FAM117B: variants seen among roughly 807,000 people sequenced by gnomAD.
The protein encoded by FAM117B is protein FAM117B.
Under a neutral mutation model 52.8 loss-of-function variants are expected in FAM117B, and 22 were observed. The ratio of observed to expected loss-of-function variants is 0.42; its 90% confidence interval spans 0.30 to 0.59. The LOEUF (loss-of-function observed/expected upper bound fraction) is 0.59, where lower values mean the gene tolerates loss of function less well. Ranked by LOEUF, FAM117B falls within the 20% of genes least tolerant of loss-of-function variation. The pLI is 0.22. For synonymous variants in FAM117B, 309 were observed against 324.1 expected (o/e 0.95, Z 0.50); for missense variants, 678 against 802.6 (o/e 0.84, Z 1.88).
chr2:202,733,132 C>T (rs893269577), intron 4 of FAM117B, among the ~76,000 whole-genome samples: 5 of 152,156 alleles, frequency 3.3e-5, no homozygotes, highest in African/African-American at 9.6e-5. Flanking sequence ...CCGCCTGAGC[C>T]GCAAAACCAG....
At position 202,654,160 on chromosome 2, in the gene FAM117B, A is replaced by ATT. The variant is rs573205026; in HGVS notation, c.601+18372_601+18373insTT. ...TACTAACTTGATTCTGATTGAAAAG[A>ATT]AAGACAGTAATATTAAATTTTATTG... On this transcript the variant is annotated intron_variant, in intron 1 of 7. Transcript: ENST00000392238. 1.6e-3 allele frequency among the ~76,000 whole-genome samples: 243 copies of ATT among 147,558 alleles called. 1 individual carries two copies. The highest frequency in any genetic ancestry group is 6.3e-3 in the African/African-American group (235 of 37,324).
At chr2:202,743,487 A>C (rs1051844709) in intron 4 of FAM117B, among the ~76,000 whole-genome samples, 1 of 152,216 alleles carries the variant, frequency 6.6e-6, no homozygotes. Context: ...AAAAGTAGAA[A>C]AGCAAGGAAC....
intron 1 of FAM117B, among the ~76,000 whole-genome samples, chr2:202,653,738 C>T (rs1690010182): frequency 6.6e-6 from 1 of 152,062 alleles, no homozygotes; most frequent in African/African-American, 2.4e-5. Context: ...TCTTCATTTA[C>T]TTGAATGTAT....
intron 1 of FAM117B, among the ~76,000 whole-genome samples, chr2:202,679,040 A>G: frequency 6.6e-6 from 1 of 152,174 alleles, no homozygotes; most frequent in East Asian, 1.9e-4. Context: ...TCCTATAACA[A>G]TATCATAATA....
At chr2:202,749,024 T>TA (rs1691680687) in intron 4 of FAM117B, among the ~76,000 whole-genome samples, 1 of 152,184 alleles carries the variant, frequency 6.6e-6, no homozygotes, top group African/African-American at 2.4e-5. Context: ...AGAGCACTGG[T>TA]AGTTTATGAA....
chr2:202,686,729 C>T (rs1690542276), intron 1 of FAM117B, among the ~76,000 whole-genome samples: 2 of 151,758 alleles, frequency 1.3e-5, no homozygotes, highest in African/African-American at 4.8e-5. Flanking sequence ...ATCTCCTGAA[C>T]CTGGGAGGGG....
chr2:202,655,754 G>GAGAGAGAA (rs1690045964), intron 1 of FAM117B, among the ~76,000 whole-genome samples: 11 of 148,380 alleles, frequency 7.4e-5, no homozygotes, highest in Non-Finnish European at 1.2e-4. Context: ...GAGAGAGAGA[G>GAGAGAGAA]AGAGAGAGTG....
chr2:202,715,035 A>G (rs1234279948), intron 2 of FAM117B, among the ~76,000 whole-genome samples: 6 of 152,286 alleles, frequency 3.9e-5, no homozygotes, highest in Admixed American at 1.3e-4. Flanking sequence ...CCCGTTCTCA[A>G]TGAGCTGTTG....
intron 1 of FAM117B, among the ~76,000 whole-genome samples, chr2:202,657,172 C>G (rs1690067388): frequency 1.3e-5 from 2 of 152,144 alleles, no homozygotes; most frequent in African/African-American, 4.8e-5. Flanking sequence ...ACTGCAACCT[C>G]CTCCTCTTGG....
At chr2:202,665,673 T>C (rs1457646377) in intron 1 of FAM117B, among the ~76,000 whole-genome samples, 3 of 152,206 alleles carry the variant, frequency 2.0e-5, no homozygotes, top group African/African-American at 7.2e-5. Context: ...CAATCTCGGC[T>C]CACTGCAACT....
At chr2:202,745,722 A>G (rs1286741161) in intron 4 of FAM117B, among the ~76,000 whole-genome samples, 4 of 152,190 alleles carry the variant, frequency 2.6e-5, no homozygotes, top group Non-Finnish European at 5.9e-5. Context: ...CCCTGTAAAA[A>G]CACATATTGA....
At chr2:202,735,825 G>A (rs1035707207) in intron 4 of FAM117B, among the ~76,000 whole-genome samples, 7 of 152,054 alleles carry the variant, frequency 4.6e-5, no homozygotes, top group Admixed American at 3.3e-4. Flanking sequence ...GGGTACATGT[G>A]CACAACGTGC....
At chr2:202,745,562 C>CA (rs1433464776) in intron 4 of FAM117B, among the ~76,000 whole-genome samples, 1 of 151,888 alleles carries the variant, frequency 6.6e-6, no homozygotes, top group East Asian at 1.9e-4. Flanking sequence ...ACAAAACAAT[C>CA]AAAAAAACAA....
At chr2:202,654,632 T>G (rs561550423) in intron 1 of FAM117B, among the ~76,000 whole-genome samples, 1 of 152,100 alleles carries the variant, frequency 6.6e-6, no homozygotes, top group Admixed American at 6.6e-5. Context: ...CTGTGTACAG[T>G]AAGAGGTAAT....
At chr2:202,648,571 G>A (rs1324139165) in intron 1 of FAM117B, among the ~76,000 whole-genome samples, 1 of 139,886 alleles carries the variant, frequency 7.1e-6, no homozygotes, top group East Asian at 2.1e-4. Context: ...ATGTGTGTGT[G>A]TGTGCGTGTA....
At chr2:202,757,589 G>A (rs1691822206) in intron 6 of FAM117B, 151 bp downstream of exon 6, 1 of 841,000 alleles carries the variant, frequency 1.2e-6, no homozygotes, top group Non-Finnish European at 1.8e-6. Flanking sequence ...GTGTAAACAG[G>A]TTTGACTGTC....
chr2:202,699,426 C>CAAAAAAAAAAAA (rs751190825), intron 2 of FAM117B, among the ~76,000 whole-genome samples: 2 of 17,896 alleles, frequency 1.1e-4, no homozygotes, highest in African/African-American at 1.8e-4. Context: ...GACCCCATCT[C>CAAAAAAAAAAAA]AAAAAAAAAA....
intron 4 of FAM117B, among the ~76,000 whole-genome samples, chr2:202,727,659 T>TA (rs2105788123): frequency 6.6e-6 from 1 of 152,302 alleles, no homozygotes; most frequent in African/African-American, 2.4e-5. Flanking sequence ...ATAATGCACT[T>TA]ACCATGCCAT....
chr2:202,664,786 G>A (rs916901454), intron 1 of FAM117B, among the ~76,000 whole-genome samples: 24 of 152,056 alleles, frequency 1.6e-4, no homozygotes, highest in Non-Finnish European at 3.1e-4. Flanking sequence ...CTTATAAGAA[G>A]TCAGTCTGAA....
Sources: gnomAD v4.1 joint callset for allele counts (sites outside exome capture counted in the v4.1 genomes callset) on GRCh38, gnomAD v4.1.1 for gene constraint, MANE v1.5 for transcripts, NCBI Gene and HGNC (gene_info 2026-07-23, HGNC 2026-07-21) for gene names.